PCED1A: variants seen among roughly 807,000 people sequenced by gnomAD.
The protein encoded by PCED1A is PC-esterase domain-containing protein 1A.
In PCED1A, 20 loss-of-function variants were observed where a neutral mutation model predicts 41.9. The observed-to-expected ratio is 0.48, with a 90% CI of 0.34 to 0.69. The LOEUF is 0.69. PCED1A is among the 30% of genes least tolerant of loss of function. The pLI is 0.01. For missense variants in PCED1A, 498 were observed against 602.1 expected, an observed-to-expected ratio of 0.83 and a Z score of 1.81; for synonymous variants, 236 against 241.3, an observed-to-expected ratio of 0.98 and a Z score of 0.20.
At position 2,838,589 on chromosome 20, in the gene PCED1A, C is replaced by T; in HGVS notation, c.594+7G>A. ...ATCTCTTGTCCTGATGGGCCTCAGT[C>T]ACTTGCCTCTGGCAGGAGGAAACCC... is the stretch of plus-strand genomic sequence containing the variant. On this transcript the variant is annotated splice_region_variant and intron_variant, in intron 5 of 7. Coordinates refer to ENST00000360652, the MANE Select transcript of PCED1A (RefSeq NM_022760.6). The surrounding 1 kb of genome is among the most constrained non-coding windows in gnomAD (Gnocchi z 5.8). 5 of 1,614,190 alleles carry T rather than the reference C, an allele frequency of 3.1e-6. No homozygotes were observed. Among genetic ancestry groups the T allele is most frequent in the Non-Finnish European group, 4.2e-6 (5 of 1,180,036 alleles).
At chr20:2,840,855 G>T (rs769783495), upstream of PCED1A, 19 of 1,245,602 alleles carry the variant, frequency 1.5e-5, no homozygotes, top group South Asian at 1.9e-4. Flanking sequence ...CCCGCCCACG[G>T]CCTGGCTTAC....
upstream of PCED1A, chr20:2,840,969 C>G (rs1006910840): frequency 7.8e-6 from 6 of 773,202 alleles, no homozygotes; most frequent in South Asian, 1.8e-5. Flanking sequence ...TGCCACTTAG[C>G]GCACAGCCGC....
intron 2 of PCED1A, 140 bp downstream of exon 2, chr20:2,839,649 G>T: frequency 2.4e-6 from 3 of 1,233,142 alleles, no homozygotes; most frequent in South Asian, 2.9e-5. Flanking sequence ...AAGATGTGTG[G>T]GACATAAAAA....
At chr20:2,837,800 C>G (rs369770568) in intron 6 of PCED1A, among the ~76,000 whole-genome samples, 2 of 152,262 alleles carry the variant, frequency 1.3e-5, no homozygotes, top group East Asian at 3.9e-4. Flanking sequence ...ATGCAACATC[C>G]CTGTTCCACA....
chr20:2,838,156 G>T lies in PCED1A; in HGVS notation c.841+76C>A, dbSNP rs942198429. 2 of 1,602,446 alleles carry T rather than the reference G, an allele frequency of 1.2e-6. No individual in the cohort carries two copies. The highest frequency in any genetic ancestry group is 4.5e-5 in the East Asian group (2 of 44,772). On this transcript the variant is annotated intron_variant, in intron 6 of 7. Coordinates refer to ENST00000360652, the MANE Select transcript of PCED1A (RefSeq NM_022760.6). This position sits in a 1 kb window ranked among gnomAD's most constrained non-coding sequence, Gnocchi z 5.8. Reference sequence around the variant, plus strand: ...ACCTCTACTTCCCTTGAGTGGCTGTGTCCCATTCTGTTTCTGAGCCCTGTC... The same window carrying T: ...ACCTCTACTTCCCTTGAGTGGCTGTTTCCCATTCTGTTTCTGAGCCCTGTC...
At chr20:2,841,131 C>T (rs1379391766), upstream of PCED1A, 1 of 460,700 alleles carries the variant, frequency 2.2e-6, no homozygotes, top group Non-Finnish European at 3.9e-6. Context: ...AGTGCCCAGT[C>T]TCCTGCCGGA....
Position 2,839,085 on chromosome 20 carries a change from A to AGGGGGGCCCCC in PCED1A, c.205-4_205-3insGGGGGCCCCCC. The stretch of plus-strand genomic sequence containing the variant: ...TCCTGTTCAAAGCTCAGCTCCCCCT[A>AGGGGGGCCCCC]CCCACCCCCCCCACCCTACTGGTCA... On this transcript the variant is annotated splice_region_variant and splice_polypyrimidine_tract_variant and intron_variant, in intron 3 of 7. Coordinates refer to ENST00000360652, the MANE Select transcript of PCED1A (RefSeq NM_022760.6). 2.0e-6 allele frequency: 1 copy of AGGGGGGCCCCC among 491,594 alleles called. No individual in the cohort carries two copies. Among genetic ancestry groups the AGGGGGGCCCCC allele is most frequent in the Non-Finnish European group, 3.5e-6 (1 of 287,766 alleles). 30.5% of individuals were successfully genotyped at this position (491,594 alleles called of 1,614,324 possible). A position where few individuals can be genotyped will look rare whatever the true frequency, so the allele number is the denominator to read the frequency against.
intron 1 of PCED1A, 58 bp downstream of exon 1, chr20:2,840,153 G>T: frequency 2.5e-6 from 1 of 397,842 alleles, no homozygotes; most frequent in Non-Finnish European, 4.4e-6. Flanking sequence ...GCCGCCCTGC[G>T]CCTCGCCACG....
At chr20:2,837,561 C>G (rs933465069) in intron 6 of PCED1A, among the ~76,000 whole-genome samples, 5 of 152,106 alleles carry the variant, frequency 3.3e-5, no homozygotes, top group African/African-American at 1.2e-4. Context: ...AGGGTGTTGA[C>G]ATGGAAACAG....
At position 2,839,842 on chromosome 20, in the gene PCED1A, G is replaced by A. The variant is rs768282754; in HGVS notation, c.71C>T (p.Ser24Leu). Residue 24 changes from serine to leucine, a missense_variant, in exon 2 of 8, where the codon TCG (serine) becomes TTG (leucine). Physicochemically the swap from Ser to Leu is moderately radical, Grantham distance 145. Transcript: ENST00000360652. ...LRSDMVHFQA[S>L]EVQQLLHNKF... ...GTTGTGTAGCAGCTGCTGGACTTCC[G>A]AGGCCTGGAAGTGGACCATGTCGCT... 4.6e-5 allele frequency: 75 copies of A among 1,614,176 alleles called. No homozygotes were observed. In the South Asian group the frequency reaches 7.7e-4, roughly 17 times the overall value.
upstream of PCED1A, chr20:2,840,673 C>G (rs568246186): frequency 7.6e-7 from 1 of 1,321,568 alleles, no homozygotes; most frequent in Non-Finnish European, 1.1e-6. Flanking sequence ...GCGGCGGCGG[C>G]CTCGCCACGT....
chr20:2,839,557 G>A (rs564297022), intron 2 of PCED1A, among the ~76,000 whole-genome samples: 3 of 152,310 alleles, frequency 2.0e-5, no homozygotes, highest in African/African-American at 7.2e-5. Context: ...TGGAAATTAT[G>A]GGGAGCTGTC....
At position 2,839,739 on chromosome 20, in the gene PCED1A, C is replaced by A; in HGVS notation, c.124+50G>T. On this transcript the variant is annotated intron_variant, in intron 2 of 7. Coordinates refer to ENST00000360652, the MANE Select transcript of PCED1A (RefSeq NM_022760.6). ...AAACAAATGGTCCAGACACACTGAACGGGCTGCAAGGTGTGGGACTGGAAG... is the reference window on the plus strand; with the variant it reads ...AAACAAATGGTCCAGACACACTGAAAGGGCTGCAAGGTGTGGGACTGGAAG... The A allele has an allele frequency of 2.5e-6, 4 of 1,602,446 alleles. No homozygotes were observed. The South Asian group carries it at 3.3e-5, about 13-fold the overall frequency.
chr20:2,839,285 G>A lies in PCED1A; in HGVS notation c.125-14C>T. On this transcript the variant is annotated splice_polypyrimidine_tract_variant and intron_variant, in intron 2 of 7. Coordinates refer to ENST00000360652, the MANE Select transcript of PCED1A (RefSeq NM_022760.6). ...CAGCCCTCTGAACTGGGAGGAGACA[G>A]AGATCCCAAGGCTGAGGCAGACCTC... 6.2e-7 allele frequency: 1 copy of A among 1,612,934 alleles called. No individual in the cohort carries two copies. The highest frequency in any genetic ancestry group is 8.5e-7 in the Non-Finnish European group (1 of 1,179,510).
intron 6 of PCED1A, among the ~76,000 whole-genome samples, chr20:2,837,049 A>T (rs1252511101): frequency 1.3e-5 from 2 of 152,082 alleles, no homozygotes; most frequent in Non-Finnish European, 2.9e-5. Context: ...GACCAAACTC[A>T]CCAACTCATC....
rs1383562753 is a variant in PCED1A at position 2,835,462 on chromosome 20, C to T, written c.1365G>A (p.Ter455=). 2.5e-6 allele frequency: 4 copies of T among 1,603,140 alleles called. No homozygotes were observed. The highest frequency in any genetic ancestry group is 2.6e-6 in the Non-Finnish European group (3 of 1,172,242). ...PPAHSGTWPG[*] Reference sequence around the variant, plus strand: ...ATCCAGTCCCAGCCCAAGATCCAGTCTACCCAGGCCATGTCCCCGAATGGG... The same window carrying T: ...ATCCAGTCCCAGCCCAAGATCCAGTTTACCCAGGCCATGTCCCCGAATGGG... The change falls in exon 8 of 8, where the codon TAG becomes TAA. Residue 455 remains the stop codon, a stop_retained_variant. Transcript: ENST00000360652.
chr20:2,835,618 G>A lies in PCED1A; in HGVS notation c.1209C>T (p.Val403=). ...NPHGQHWGPV[V]HRGMPRYVPN... is the part of the protein sequence containing the mutation. ...GAACATAGCGTGGCATCCCCCGGTG[G>A]ACCACTGGGCCCCAGTGCTGACCAT... The change falls in exon 8 of 8, where the codon GTC becomes GTT. Residue 403 remains valine (V), a synonymous_variant. Transcript: ENST00000360652. The A allele has an allele frequency of 6.2e-7, 1 of 1,613,224 alleles. No individual in the cohort carries two copies. The highest frequency in any genetic ancestry group is 1.7e-4 in the Middle Eastern group (1 of 6,058).
At chr20:2,840,756 G>C (rs1023232192), upstream of PCED1A, 3 of 1,547,860 alleles carry the variant, frequency 1.9e-6, no homozygotes, top group Admixed American at 5.9e-5. Context: ...GTGCTTCCCA[G>C]CTGCCGTCTG....
chr20:2,841,038 G>A (rs1568619540), upstream of PCED1A: 3 of 579,814 alleles, frequency 5.2e-6, no homozygotes, highest in East Asian at 6.1e-5. Flanking sequence ...GGCAAGCACA[G>A]TGGTCACCCC....
Sources: allele counts gnomAD v4.1 joint callset (sites outside exome capture counted in the v4.1 genomes callset), GRCh38; gene constraint gnomAD v4.1.1; non-coding constraint Gnocchi (gnomAD v3.1); transcripts MANE v1.5; gene names NCBI Gene and HGNC (gene_info 2026-07-23, HGNC 2026-07-21).